The following ATXN7L2 variants were observed in gnomAD, a reference collection of about 807,000 sequenced individuals.
ATXN7L2 encodes ataxin 7 like 2.
A neutral mutation model predicts 59.6 loss-of-function variants in ATXN7L2; 17 were observed. The ratio of observed to expected loss-of-function variants is 0.29; its 90% CI spans 0.20 to 0.43. ATXN7L2 has a LOEUF of 0.43. Among genes scored for constraint, ATXN7L2 ranks in the 20% least tolerant of loss-of-function variants. The pLI, the probability that ATXN7L2 is intolerant of heterozygous loss-of-function variation, is 1.00. For missense variants in ATXN7L2, 858 were observed against 1,008.9 expected (o/e 0.85, Z 2.03); for synonymous variants, 378 against 392.5 (o/e 0.96, Z 0.44).
At chr1:109,489,884 C>T in intron 7 of ATXN7L2, 46 bp from the exon 8 acceptor site, 1 of 1,606,448 alleles carries the variant, frequency 6.2e-7, no homozygotes, top group African/African-American at 1.3e-5. Context: ...CCTACTCTGA[C>T]CCCACAACAG....
chr1:109,488,563 A>G lies in ATXN7L2; in HGVS notation c.879+98A>G. On this transcript the variant is annotated intron_variant, in intron 6 of 10. Coordinates refer to ENST00000683729, the MANE Select transcript of ATXN7L2 (RefSeq NM_001350175.2). This position sits in a 1 kb window ranked among gnomAD's most constrained non-coding sequence, Gnocchi z 5.0. ...GGAATGTCGATGTTACTGAAGGTCC[A>G]GCTTAAGGGAGGGCAGTTAGGCCCA... The G allele has an allele frequency of 4.4e-6, 6 of 1,365,334 alleles. No individual in the cohort carries two copies. Among genetic ancestry groups the G allele is most frequent in the Non-Finnish European group, 6.1e-6 (6 of 986,516 alleles). 84.6% of individuals were successfully genotyped at this position (1,365,334 alleles called of 1,614,324 possible).
At chr1:109,490,750 AC>A (rs1557872974) in intron 9 of ATXN7L2, among the ~76,000 whole-genome samples, 171 bp from the exon 10 acceptor site, 1 of 151,996 alleles carries the variant, frequency 6.6e-6, no homozygotes, top group Non-Finnish European at 1.5e-5. Context: ...CTCCACAGGC[AC>A]CCCTGTGTCT....
Position 109,487,686 on chromosome 1 carries a change from CAGAG to C in ATXN7L2, c.682_685del (p.Glu228ThrfsTer49). 6.2e-7 allele frequency: 1 copy of C among 1,613,418 alleles called. No homozygotes were observed. Among genetic ancestry groups the C allele is most frequent in the Non-Finnish European group, 8.5e-7 (1 of 1,179,724 alleles). On this transcript the variant is annotated frameshift_variant, in exon 5 of 11. Transcript: ENST00000683729. LOFTEE classifies it high-confidence loss of function. ...CTCCCCCTTCTAAAGAACCTCCTGG[CAGAG>C]AGAACATCGAGATCATCCCCAGTGA...
intron 1 of ATXN7L2, 78 bp downstream of exon 1, chr1:109,484,158 G>A: frequency 7.9e-7 from 1 of 1,265,200 alleles, no homozygotes; most frequent in Non-Finnish European, 1.0e-6. Context: ...CCAGCTGAGG[G>A]GAGCCGCCGA....
Position 109,484,056 on chromosome 1 carries a change from C to G in ATXN7L2, c.103C>G (p.Arg35Gly). 6.6e-7 allele frequency: 1 copy of G among 1,514,756 alleles called. No individual in the cohort carries two copies. The highest frequency in any genetic ancestry group is 8.9e-7 in the Non-Finnish European group (1 of 1,128,534). The allele number at this position is 1,514,756 out of a possible 1,614,324, so 93.8% of individuals were successfully genotyped here. A position where few individuals can be genotyped will look rare whatever the true frequency, so the allele number is the denominator to read the frequency against. The change falls in exon 1 of 11, where the codon CGG becomes GGG. Residue 35 changes from arginine (R) to glycine (G), a missense_variant. Around this residue, in one of 3 missense-constraint regions of ATXN7L2, gnomAD observed 95 missense variants for 82.6 expected, o/e 1.15. Transcript: ENST00000683729. ...AGQSWSSWVE[R>G]ADLPAADGAE... ...ACAGAGCTGGAGCTCGTGGGTGGAG[C>G]GGGCCGACCTGCCCGCGGCTGACGG...
chr1:109,491,791 A>G lies in ATXN7L2; in HGVS notation c.2250+74A>G. ...GTACCTGATACAGAGAAGATGCTACATTGGTGTTTGTGCAGGGAAAGGGAG... is the reference window on the plus strand; with the variant it reads ...GTACCTGATACAGAGAAGATGCTACGTTGGTGTTTGTGCAGGGAAAGGGAG... On this transcript the variant is annotated intron_variant, in intron 10 of 10. Coordinates refer to ENST00000683729, the MANE Select transcript of ATXN7L2 (RefSeq NM_001350175.2). This position sits in a 1 kb window ranked among gnomAD's most constrained non-coding sequence, Gnocchi z 4.1. The G allele has an allele frequency of 1.4e-6, 2 of 1,435,906 alleles. No homozygotes were observed. The highest frequency in any genetic ancestry group is 1.4e-5 in the South Asian group (1 of 69,800). The allele number at this position is 1,435,906 out of a possible 1,614,324, so 88.9% of individuals were successfully genotyped here. A position where few individuals can be genotyped will look rare whatever the true frequency, so the allele number is the denominator to read the frequency against.
Position 109,487,060 on chromosome 1 carries a change from C to G in ATXN7L2, c.352C>G (p.Pro118Ala). The G allele has an allele frequency of 6.2e-7, 1 of 1,613,022 alleles. No individual in the cohort carries two copies. The highest frequency in any genetic ancestry group is 8.5e-7 in the Non-Finnish European group (1 of 1,179,480). Reference sequence around the variant, plus strand: ...TTATGGCCGGGCCCCACCCCCACCTCCAGCCCCTGCCAGCTCTCAGAAATG... The same window carrying G: ...TTATGGCCGGGCCCCACCCCCACCTGCAGCCCCTGCCAGCTCTCAGAAATG... ...KLYGRAPPPP[P>A]APASSQKCHV... The change falls in exon 4 of 11, where the codon CCA becomes GCA. Residue 118 changes from proline (P) to alanine (A), a missense_variant. This residue lies in a region of ATXN7L2 where 734 missense variants were observed against 862.3 expected (regional missense o/e 0.85). Coordinates refer to ENST00000683729, the MANE Select transcript of ATXN7L2 (RefSeq NM_001350175.2).
chr1:109,490,936 C>G lies in ATXN7L2; in HGVS notation c.1469C>G (p.Ala490Gly). ...STHMWKKIPP[A>G]AEPPAHLVNS... ...TTTTGCTGCAGGAAGATCCCACCGGCAGCTGAACCTCCAGCTCACCTTGTC... is the reference window on the plus strand; with the variant it reads ...TTTTGCTGCAGGAAGATCCCACCGGGAGCTGAACCTCCAGCTCACCTTGTC... The change falls in exon 10 of 11, where the codon GCA becomes GGA. Residue 490 changes from alanine (A) to glycine (G), a missense_variant. Transcript: ENST00000683729. 6.4e-7 allele frequency: 1 copy of G among 1,554,538 alleles called. No homozygotes were observed. Among genetic ancestry groups the G allele is most frequent in the East Asian group, 2.3e-5 (1 of 44,256 alleles).
chr1:109,489,773 G>A (rs1011500059), intron 7 of ATXN7L2, 157 bp from the exon 8 acceptor site: 12 of 739,394 alleles, frequency 1.6e-5, no homozygotes, highest in Middle Eastern at 4.0e-4. Context: ...GAGCTGTGTC[G>A]TTCCCTCCTG....
At position 109,491,068 on chromosome 1, in the gene ATXN7L2, A is replaced by G. The variant is rs1657018693; in HGVS notation, c.1601A>G (p.Lys534Arg). ...TGCCCAGCCTCCATGCCCCCCACCA[A>G]GGACAACCTTGTCCCCAGCTACCCT... ...PACPASMPPT[K>R]DNLVPSYPAG... The change falls in exon 10 of 11, where the codon AAG (lysine) becomes AGG (arginine). Residue 534 changes from lysine to arginine, a missense_variant. Around this residue, in one of 3 missense-constraint regions of ATXN7L2, gnomAD observed 734 missense variants for 862.3 expected, o/e 0.85. Coordinates refer to ENST00000683729, the MANE Select transcript of ATXN7L2 (RefSeq NM_001350175.2). The surrounding 1 kb of genome is among the most constrained non-coding windows in gnomAD (Gnocchi z 4.1). 6.2e-7 allele frequency: 1 copy of G among 1,613,514 alleles called. No homozygotes were observed. The highest frequency in any genetic ancestry group is 1.1e-5 in the South Asian group (1 of 91,082).
intron 1 of ATXN7L2, among the ~76,000 whole-genome samples, chr1:109,484,933 C>T (rs1656468980): frequency 6.6e-6 from 1 of 152,224 alleles, no homozygotes; most frequent in South Asian, 2.1e-4. Flanking sequence ...CATCATTCCC[C>T]GCACTTGCAT....
In ATXN7L2 at chr1:109,490,386, T is replaced by G. The variant is rs924398053; in HGVS notation, c.1448T>G (p.Met483Arg). ...SMLERHLSTH[M>R]WKKIPPAAEP... ...CTGGAACGGCACCTCAGCACACACA[T>G]GTGGAAGTAAGTCTCTCGGACCCAG... The change falls in exon 9 of 11, where the codon ATG (methionine) becomes AGG (arginine). Residue 483 changes from methionine (M) to arginine (R), a missense_variant. Met to Arg is a moderately conservative substitution (Grantham distance 91). Coordinates refer to ENST00000683729, the MANE Select transcript of ATXN7L2 (RefSeq NM_001350175.2). 1 of 1,612,728 alleles carries G rather than the reference T, an allele frequency of 6.2e-7. No homozygotes were observed. Among genetic ancestry groups the G allele is most frequent in the Non-Finnish European group, 8.5e-7 (1 of 1,179,916 alleles).
chr1:109,486,079 C>G lies in ATXN7L2; in HGVS notation c.150C>G (p.Ser50Arg). 2 of 1,599,036 alleles carry G rather than the reference C, an allele frequency of 1.3e-6. No homozygotes were observed. Among genetic ancestry groups the G allele is most frequent in the South Asian group, 2.3e-5 (2 of 88,660 alleles). Residue 50 changes from serine (S) to arginine (R), a missense_variant, in exon 2 of 11, where the codon AGC becomes AGG. By Grantham distance (110) the Ser-to-Arg change is moderately radical. Coordinates refer to ENST00000683729, the MANE Select transcript of ATXN7L2 (RefSeq NM_001350175.2). This position sits in a 1 kb window ranked among gnomAD's most constrained non-coding sequence, Gnocchi z 4.3. ...TAGGGGCTGAGCTGGAGGAGAGTAGCAAAAACACGAAGAAGTTGGATGCCA... is the reference window on the plus strand; with the variant it reads ...TAGGGGCTGAGCTGGAGGAGAGTAGGAAAAACACGAAGAAGTTGGATGCCA... ...AADGAELEES[S>R]KNTKKLDAMT...
rs183756659 is a variant in ATXN7L2 at position 109,486,933 on chromosome 1, T to G, written c.299-74T>G. 6 of 1,302,852 alleles carry G rather than the reference T, an allele frequency of 4.6e-6. No individual in the cohort carries two copies. The highest frequency in any genetic ancestry group is 2.6e-5 in the Admixed American group (1 of 38,906). The allele number at this position is 1,302,852 out of a possible 1,614,324, so 80.7% of individuals were successfully genotyped here. Reference sequence around the variant, plus strand: ...ACTCAGATTCTCTCATGTGAGTCTATGGACATGGTTAGGTTGGGGAAGGAA... The same window carrying G: ...ACTCAGATTCTCTCATGTGAGTCTAGGGACATGGTTAGGTTGGGGAAGGAA... On this transcript the variant is annotated intron_variant, in intron 3 of 10. Coordinates refer to ENST00000683729, the MANE Select transcript of ATXN7L2 (RefSeq NM_001350175.2). This position sits in a 1 kb window ranked among gnomAD's most constrained non-coding sequence, Gnocchi z 4.3.
chr1:109,489,660 A>C (rs1656874287), intron 7 of ATXN7L2: 1 of 526,746 alleles, frequency 1.9e-6, no homozygotes, highest in East Asian at 3.3e-5. Flanking sequence ...TTTCTGGAGG[A>C]GGCGGATCTG....
intron 8 of ATXN7L2, 54 bp from the exon 9 acceptor site, chr1:109,490,217 T>C: frequency 6.2e-7 from 1 of 1,600,424 alleles, no homozygotes; most frequent in Non-Finnish European, 8.5e-7. Flanking sequence ...TGTGTGCAGA[T>C]GCTGTCTGTG....
At chr1:109,484,495 C>T (rs984642433) in intron 1 of ATXN7L2, among the ~76,000 whole-genome samples, 5 of 148,002 alleles carry the variant, frequency 3.4e-5, no homozygotes, top group Non-Finnish European at 7.5e-5. Flanking sequence ...CGCCTTTTGC[C>T]CCACACCTCC....
At position 109,491,011 on chromosome 1, in the gene ATXN7L2, C is replaced by T; in HGVS notation, c.1544C>T (p.Pro515Leu). ...PLSPSSTGTC[P>L]RLPGPTLRPA... ...AGCCCATCCTCTACAGGCACCTGCC[C>T]CCGCCTTCCAGGTCCAACCCTGAGA... Residue 515 changes from proline to leucine, a missense_variant, in exon 10 of 11, where the codon CCC becomes CTC. By Grantham distance (98) the Pro-to-Leu change is moderately conservative. Transcript: ENST00000683729. This position sits in a 1 kb window ranked among gnomAD's most constrained non-coding sequence, Gnocchi z 4.1. The T allele has an allele frequency of 1.2e-6, 2 of 1,613,562 alleles. No homozygotes were observed. The highest frequency in any genetic ancestry group is 8.5e-7 in the Non-Finnish European group (1 of 1,179,902).
rs1174852064 is a variant in ATXN7L2, at chr1:109,488,570, G to A, written c.879+105G>A. The stretch of plus-strand genomic sequence containing the variant: ...CGATGTTACTGAAGGTCCAGCTTAA[G>A]GGAGGGCAGTTAGGCCCACCCAAGG... On this transcript the variant is annotated intron_variant, in intron 6 of 10. Coordinates refer to ENST00000683729, the MANE Select transcript of ATXN7L2 (RefSeq NM_001350175.2). This position sits in a 1 kb window ranked among gnomAD's most constrained non-coding sequence, Gnocchi z 5.0. 1 of 1,333,000 alleles carries A rather than the reference G, an allele frequency of 7.5e-7. No individual in the cohort carries two copies. Among genetic ancestry groups the A allele is most frequent in the Non-Finnish European group, 1.0e-6 (1 of 960,990 alleles). The allele number at this position is 1,333,000 out of a possible 1,614,324, so 82.6% of individuals were successfully genotyped here. A position where few individuals can be genotyped will look rare whatever the true frequency, so the allele number is the denominator to read the frequency against.
Sources: gnomAD v4.1 joint callset for allele counts (sites outside exome capture counted in the v4.1 genomes callset) on GRCh38, gnomAD v4.1.1 for gene constraint, gnomAD v4.1.1 regional missense constraint, Gnocchi (gnomAD v3.1) non-coding constraint, MANE v1.5 for transcripts, NCBI Gene and HGNC (gene_info 2026-07-23, HGNC 2026-07-21) for gene names.